The following TP63 variants were observed in gnomAD, a reference collection of about 807,000 sequenced individuals.
The protein encoded by TP63 is tumor protein p63.
Under a neutral mutation model 82.8 loss-of-function variants are expected in TP63, and 17 were observed. The ratio of observed to expected loss-of-function variants is 0.21; its 90% CI spans 0.14 to 0.31. The LOEUF is 0.31. Among genes scored for constraint, TP63 ranks in the 10% least tolerant of loss-of-function variants. TP63 has a pLI of 1.00. For missense variants in TP63, 648 were observed against 895.3 expected (o/e 0.72, Z 3.52); for synonymous variants, 330 against 321.7 (o/e 1.03, Z -0.28).
At chr3:189,840,510 A>G (rs555302769) in intron 4 of TP63, among the ~76,000 whole-genome samples, 14 of 150,620 alleles carry the variant, frequency 9.3e-5, no homozygotes, top group Non-Finnish European at 2.1e-4. Flanking sequence ...GAGATGGGAG[A>G]GGGTGAGAAT....
intron 1 of TP63, among the ~76,000 whole-genome samples, chr3:189,644,365 T>A (rs903199734): frequency 8.5e-5 from 13 of 152,054 alleles, no homozygotes; most frequent in Admixed American, 3.3e-4. Flanking sequence ...ATTCCCTTCT[T>A]CAAAGTTTGT....
chr3:189,607,139 A>G, the TP63 span, among the ~76,000 whole-genome samples: 2 of 151,782 alleles, frequency 1.3e-5, no homozygotes, highest in African/African-American at 2.4e-5. Context: ...AAATGTAAGG[A>G]AAGTCTGAGG....
intron 4 of TP63, among the ~76,000 whole-genome samples, chr3:189,811,007 T>C (rs1259525915): frequency 2.0e-5 from 3 of 152,150 alleles, no homozygotes; most frequent in Non-Finnish European, 2.9e-5. Flanking sequence ...AAGAAAATAT[T>C]CTGGTACACT....
At chr3:189,715,997 G>A (rs1046362245) in intron 1 of TP63, among the ~76,000 whole-genome samples, 1 of 152,064 alleles carries the variant, frequency 6.6e-6, no homozygotes, top group Non-Finnish European at 1.5e-5. Flanking sequence ...TACTCACTAC[G>A]TACTATACTA....
chr3:189,726,157 C>A (rs76829785), intron 1 of TP63, among the ~76,000 whole-genome samples: 4,138 of 152,102 alleles, frequency 0.027, 108 homozygotes, highest in East Asian at 0.14. Flanking sequence ...TCCATAAACA[C>A]GTATCTTGTT....
rs1302473398 is a variant in TP63 at position 189,830,601 on chromosome 3, A to C, written c.579+22075A>C. 5.9e-5 allele frequency among the ~76,000 whole-genome samples: 9 copies of C among 152,326 alleles called. 1 individual carries two copies. The South Asian group carries it at 1.9e-3, about 32-fold the overall frequency. On this transcript the variant is annotated intron_variant, in intron 4 of 13. Transcript: ENST00000264731. ...TTACACAAGTATCATTTCTGTTTAC[A>C]TAACACGCAATTTTGTTGCTGCTGC...
intron 1 of TP63, among the ~76,000 whole-genome samples, chr3:189,686,115 G>A (rs1249517880): frequency 6.6e-6 from 1 of 152,168 alleles, no homozygotes; most frequent in Non-Finnish European, 1.5e-5. Flanking sequence ...AAGAAGAAGA[G>A]AGTGCAGAGC....
At chr3:189,860,971 A>C (rs540863434) in intron 4 of TP63, among the ~76,000 whole-genome samples, 1 of 152,276 alleles carries the variant, frequency 6.6e-6, no homozygotes, top group African/African-American at 2.4e-5. Flanking sequence ...ATTGTACCCA[A>C]TAGGTATTTT....
rs1553859702 is a variant in TP63 at position 189,875,613 on chromosome 3, T to TATAC, written c.1349+2621_1349+2622insCATA. 2.7e-4 allele frequency among the ~76,000 whole-genome samples: 28 copies of TATAC among 105,494 alleles called. 1 individual carries two copies. The highest frequency in any genetic ancestry group is 8.8e-4 in the African/African-American group (22 of 24,920). The allele number at this position is 105,494 out of a possible 152,430, so 69.2% of individuals were successfully genotyped here. ...ACATACATATATATATATATATATA[T>TATAC]ATATATATATATATATATATATATA... On this transcript the variant is annotated intron_variant, in intron 10 of 13. Coordinates refer to ENST00000264731, the MANE Select transcript of TP63 (RefSeq NM_003722.5).
chr3:189,721,063 G>T (rs571761461), intron 1 of TP63, among the ~76,000 whole-genome samples: 1 of 152,342 alleles, frequency 6.6e-6, no homozygotes, highest in African/African-American at 2.4e-5. Context: ...GACACTGACA[G>T]GGAAGATCTT....
chr3:189,639,286 A>G (rs1711594882), intron 1 of TP63, among the ~76,000 whole-genome samples: 1 of 152,160 alleles, frequency 6.6e-6, no homozygotes, highest in Non-Finnish European at 1.5e-5. Context: ...AGAATGAGAA[A>G]TGGACATGGG....
chr3:189,745,846 G>A (rs1721335790), intron 3 of TP63, among the ~76,000 whole-genome samples: 1 of 150,362 alleles, frequency 6.7e-6, no homozygotes, highest in South Asian at 2.1e-4. Flanking sequence ...ATTGAAGACA[G>A]GTTTTTAAAA....
At chr3:189,747,221 A>G (rs963680368) in intron 3 of TP63, among the ~76,000 whole-genome samples, 3 of 152,108 alleles carry the variant, frequency 2.0e-5, no homozygotes, top group Non-Finnish European at 4.4e-5. Flanking sequence ...GAAACACTGG[A>G]TTTGAACTGC....
intron 10 of TP63, chr3:189,880,247 A>G (rs985640582): frequency 1.9e-5 from 29 of 1,513,360 alleles, no homozygotes; most frequent in South Asian, 5.5e-5. Flanking sequence ...GTGTGTGTGT[A>G]TGTGTGTGCG....
At chr3:189,721,173 T>C (rs1719364026) in intron 1 of TP63, among the ~76,000 whole-genome samples, 1 of 152,214 alleles carries the variant, frequency 6.6e-6, no homozygotes, top group Admixed American at 6.5e-5. Context: ...TGGTTTACAG[T>C]GGACCGTCTT....
At chr3:189,705,851 A>T (rs1332014057) in intron 1 of TP63, among the ~76,000 whole-genome samples, 1 of 152,178 alleles carries the variant, frequency 6.6e-6, no homozygotes, top group East Asian at 1.9e-4. Context: ...ATTGCTTATT[A>T]TATGAGGGAG....
chr3:189,732,831 C>T (rs1213252594), intron 1 of TP63, among the ~76,000 whole-genome samples: 2 of 152,144 alleles, frequency 1.3e-5, no homozygotes, highest in Non-Finnish European at 2.9e-5. Context: ...CCACAAATTA[C>T]CTAAAATCCT....
At chr3:189,882,537 C>T (rs1261416414) in intron 10 of TP63, among the ~76,000 whole-genome samples, 3 of 151,344 alleles carry the variant, frequency 2.0e-5, no homozygotes, top group Admixed American at 6.6e-5. Context: ...CCTTTCTGCT[C>T]CCAAATTCTT....
chr3:189,625,569 A>G, the TP63 span, among the ~76,000 whole-genome samples: 1 of 152,200 alleles, frequency 6.6e-6, no homozygotes, highest in Non-Finnish European at 1.5e-5. Context: ...ATGATATTTT[A>G]TGGATATAAT....
Sources: allele counts gnomAD v4.1 joint callset (sites outside exome capture counted in the v4.1 genomes callset), GRCh38; gene constraint gnomAD v4.1.1; transcripts MANE v1.5; gene names NCBI Gene and HGNC (gene_info 2026-07-23, HGNC 2026-07-21).